MARCHF1: variants seen among roughly 807,000 people sequenced by gnomAD.
The protein encoded by MARCHF1 is E3 ubiquitin-protein ligase MARCHF1.
Under a neutral mutation model 54.2 loss-of-function variants are expected in MARCHF1, and 40 were observed. The observed-to-expected ratio is 0.74, with a 90% CI of 0.57 to 0.96. MARCHF1 has a LOEUF of 0.96. Among genes scored for constraint, MARCHF1 ranks in the 40% least tolerant of loss-of-function variants. The pLI is 0.00. For synonymous variants in MARCHF1, 236 were observed against 236.3 expected (o/e 1.00, Z 0.01); for missense variants, 586 against 656.5 (o/e 0.89, Z 1.17).
chr4:163,878,972 C>T (rs1455106775), intron 3 of MARCHF1, among the ~76,000 whole-genome samples: 1 of 152,176 alleles, frequency 6.6e-6, no homozygotes, highest in Non-Finnish European at 1.5e-5. Flanking sequence ...TCTAAAATAT[C>T]TGTCCTCTGA....
At chr4:163,828,579 A>C (rs1358449412) in intron 4 of MARCHF1, among the ~76,000 whole-genome samples, 1 of 152,194 alleles carries the variant, frequency 6.6e-6, no homozygotes, top group Non-Finnish European at 1.5e-5. Context: ...CAAAAAAGGA[A>C]AAAATAAGGA....
At chr4:164,244,705 T>C (rs1428010146) in intron 1 of MARCHF1, among the ~76,000 whole-genome samples, 10 of 151,480 alleles carry the variant, frequency 6.6e-5, no homozygotes, top group East Asian at 1.9e-4. Flanking sequence ...ATTGATAGAC[T>C]GCTAGCAAGA....
At chr4:163,590,365 G>C (rs1740551347) in intron 7 of MARCHF1, among the ~76,000 whole-genome samples, 1 of 150,734 alleles carries the variant, frequency 6.6e-6, no homozygotes, top group Non-Finnish European at 1.5e-5. Context: ...CTTGGTTTTT[G>C]CTATATGCAA....
At chr4:164,053,804 T>A (rs1350404868) in intron 2 of MARCHF1, among the ~76,000 whole-genome samples, 1 of 152,210 alleles carries the variant, frequency 6.6e-6, no homozygotes, top group Non-Finnish European at 1.5e-5. Flanking sequence ...AATAAAGAAT[T>A]CATAATGTCC....
intron 1 of MARCHF1, among the ~76,000 whole-genome samples, chr4:164,376,751 G>A (rs1731204857): frequency 1.3e-5 from 2 of 152,164 alleles, no homozygotes; most frequent in Admixed American, 6.5e-5. Flanking sequence ...AGACATGCTA[G>A]TAAAGTCACA....
intron 1 of MARCHF1, among the ~76,000 whole-genome samples, chr4:164,178,779 A>T (rs539926790): frequency 6.6e-6 from 1 of 152,322 alleles, no homozygotes; most frequent in Non-Finnish European, 1.5e-5. Flanking sequence ...ATATTTAACT[A>T]TAGTAATTAA....
At chr4:164,080,084 C>T (rs79104772) in intron 2 of MARCHF1, among the ~76,000 whole-genome samples, 7,118 of 152,192 alleles carry the variant, frequency 0.047, 540 homozygotes, top group African/African-American at 0.16. Flanking sequence ...AAACAGGAAG[C>T]TTCTGCTTTT....
chr4:164,037,654 G>T (rs1350329711), intron 2 of MARCHF1, among the ~76,000 whole-genome samples: 1 of 152,196 alleles, frequency 6.6e-6, no homozygotes, highest in Non-Finnish European at 1.5e-5. Context: ...AGTGTGGGCT[G>T]TGCATGGTGA....
At chr4:163,868,632 G>A (rs1288732291) in intron 3 of MARCHF1, among the ~76,000 whole-genome samples, 2 of 151,806 alleles carry the variant, frequency 1.3e-5, no homozygotes, top group Admixed American at 6.6e-5. Context: ...CTTTGGAGCC[G>A]ATCCCATGAG....
At chr4:163,628,951 A>G (rs1377753567) in intron 5 of MARCHF1, among the ~76,000 whole-genome samples, 1 of 152,242 alleles carries the variant, frequency 6.6e-6, no homozygotes, top group African/African-American at 2.4e-5. Flanking sequence ...GGAAGAATCA[A>G]TATTGTGAAA....
At chr4:164,296,575 GGC>G (rs977208971) in intron 1 of MARCHF1, among the ~76,000 whole-genome samples, 1 of 151,864 alleles carries the variant, frequency 6.6e-6, no homozygotes, top group African/African-American at 2.4e-5. Flanking sequence ...TCACCATGTT[GGC>G]CAGGCTGGTC....
intron 8 of MARCHF1, among the ~76,000 whole-genome samples, chr4:163,565,222 G>C (rs1328046114): frequency 6.6e-6 from 1 of 152,162 alleles, no homozygotes; most frequent in Admixed American, 6.5e-5. Flanking sequence ...ATGCTATGGG[G>C]TTCTTTTAAC....
At chr4:164,206,128 A>G (rs1731598365) in intron 1 of MARCHF1, among the ~76,000 whole-genome samples, 1 of 152,178 alleles carries the variant, frequency 6.6e-6, no homozygotes, top group African/African-American at 2.4e-5. Context: ...TTAAAAAGTG[A>G]AAATGAAAAA....
chr4:164,111,449 AC>A (rs1247571583), intron 2 of MARCHF1, 138 bp downstream of exon 2: 1 of 151,806 alleles, frequency 6.6e-6, no homozygotes, highest in Non-Finnish European at 1.5e-5. Flanking sequence ...TTAAGGTAAA[AC>A]AAAGTTTGAA....
At chr4:164,372,802 GAA>G (rs1218831261) in intron 1 of MARCHF1, among the ~76,000 whole-genome samples, 1 of 151,816 alleles carries the variant, frequency 6.6e-6, no homozygotes, top group African/African-American at 2.4e-5. Flanking sequence ...TATAGGAAGA[GAA>G]AAAGGAAAAA....
At chr4:163,567,922 C>T (rs1739701843) in intron 8 of MARCHF1, among the ~76,000 whole-genome samples, 1 of 152,080 alleles carries the variant, frequency 6.6e-6, no homozygotes, top group African/African-American at 2.4e-5. Flanking sequence ...ATATCTTGCT[C>T]TATTCCTCTG....
chr4:163,732,918 G>A (rs186996372), intron 4 of MARCHF1, among the ~76,000 whole-genome samples: 9 of 151,758 alleles, frequency 5.9e-5, no homozygotes, highest in Admixed American at 2.0e-4. Context: ...TTGGGATGCC[G>A]AGGTGGGTGG....
intron 1 of MARCHF1, among the ~76,000 whole-genome samples, chr4:164,238,902 A>G (rs1389295188): frequency 6.6e-6 from 1 of 152,022 alleles, no homozygotes; most frequent in Non-Finnish European, 1.5e-5. Context: ...TAGAAATAAT[A>G]TACTTGACTT....
At chr4:163,799,729 A>C (rs924498291) in intron 4 of MARCHF1, among the ~76,000 whole-genome samples, 2 of 152,128 alleles carry the variant, frequency 1.3e-5, no homozygotes, top group Non-Finnish European at 2.9e-5. Flanking sequence ...ATCCAGTAAT[A>C]GGATTTCTCA....
Sources: gnomAD v4.1 joint callset for allele counts (sites outside exome capture counted in the v4.1 genomes callset) on GRCh38, gnomAD v4.1.1 for gene constraint, MANE v1.5 for transcripts, NCBI Gene and HGNC (gene_info 2026-07-23, HGNC 2026-07-21) for gene names.